Variants in EIPR1 observed in about 807,000 individuals in gnomAD.
EIPR1 encodes the protein EARP and GARP complex-interacting protein 1.
EIPR1 carries 25 observed loss-of-function variants against 48.1 expected under a neutral mutation model. That is an observed-to-expected ratio of 0.52 (90% confidence interval 0.38 to 0.73). The LOEUF (loss-of-function observed/expected upper bound fraction) is 0.73, where lower values mean the gene tolerates loss of function less well. Among genes scored for constraint, EIPR1 ranks in the 30% least tolerant of loss-of-function variants. The pLI, the probability that EIPR1 is intolerant of heterozygous loss-of-function variation, is 0.00. For synonymous variants in EIPR1, 204 were observed against 201.9 expected (o/e 1.01, Z -0.09); for missense variants, 415 against 506.2 (o/e 0.82, Z 1.73).
At chr2:3,193,976 G>A (rs1664701589) in intron 7 of EIPR1, 23 bp downstream of exon 7, 3 of 1,611,724 alleles carry the variant, frequency 1.9e-6, no homozygotes. Context: ...CCTCCTCCCT[G>A]AAGCAGCCAG....
chr2:3,305,012 ACC>A, intron 3 of EIPR1, among the ~76,000 whole-genome samples: 1 of 36,508 alleles, frequency 2.7e-5, no homozygotes, highest in African/African-American at 1.1e-4. Flanking sequence ...GTCCAGTTCA[ACC>A]CTCCACTCCT....
At chr2:3,247,241 C>T (rs1666862170) in intron 4 of EIPR1, among the ~76,000 whole-genome samples, 1 of 152,090 alleles carries the variant, frequency 6.6e-6, no homozygotes, top group African/African-American at 2.4e-5. Flanking sequence ...CTTGATATAC[C>T]ACTTGGGAAA....
At chr2:3,369,382 C>T (rs928018432) in intron 1 of EIPR1, among the ~76,000 whole-genome samples, 3 of 152,242 alleles carry the variant, frequency 2.0e-5, no homozygotes, top group Middle Eastern at 3.4e-3. Context: ...AGACAGTGGG[C>T]GCAGGTCAGT....
At chr2:3,218,334 A>T (rs1665721323) in intron 4 of EIPR1, among the ~76,000 whole-genome samples, 2 of 150,836 alleles carry the variant, frequency 1.3e-5, no homozygotes, top group Non-Finnish European at 2.9e-5. Flanking sequence ...GTGCACACCC[A>T]ACACGGCCCT....
intron 3 of EIPR1, among the ~76,000 whole-genome samples, chr2:3,279,458 G>A (rs1232470295): frequency 2.0e-5 from 3 of 152,206 alleles, no homozygotes; most frequent in Admixed American, 2.0e-4. Flanking sequence ...AGGCAAGGTC[G>A]GAATCCCCGC....
At chr2:3,220,507 T>C (rs558924478) in intron 4 of EIPR1, among the ~76,000 whole-genome samples, 3 of 151,900 alleles carry the variant, frequency 2.0e-5, no homozygotes, top group South Asian at 4.2e-4. Flanking sequence ...TCTAGAGCAT[T>C]TATAGAGTCA....
intron 4 of EIPR1, among the ~76,000 whole-genome samples, chr2:3,238,894 C>A (rs1666502796): frequency 6.6e-6 from 1 of 152,214 alleles, no homozygotes; most frequent in South Asian, 2.1e-4. Context: ...ACTACCTAGC[C>A]TTGGAAAAGA....
intron 1 of EIPR1, among the ~76,000 whole-genome samples, chr2:3,372,965 G>A (rs1006265738): frequency 1.3e-5 from 2 of 152,088 alleles, no homozygotes; most frequent in African/African-American, 4.8e-5. Context: ...GATGAACATT[G>A]ATGCAAAAAT....
chr2:3,269,124 G>C (rs1056162859), intron 3 of EIPR1, among the ~76,000 whole-genome samples: 1 of 152,204 alleles, frequency 6.6e-6, no homozygotes, highest in Non-Finnish European at 1.5e-5. Context: ...TGTACACTGA[G>C]CACTGCACAT....
intron 3 of EIPR1, among the ~76,000 whole-genome samples, chr2:3,313,876 G>A (rs1042990760): frequency 2.0e-5 from 3 of 152,178 alleles, no homozygotes; most frequent in African/African-American, 7.2e-5. Context: ...AGGCAAGAGG[G>A]CTCATTATGT....
intron 4 of EIPR1, among the ~76,000 whole-genome samples, chr2:3,240,140 A>AAAGCAAAGCCAGCAGATCCTTCCT (rs1666553737): frequency 6.7e-6 from 1 of 149,426 alleles, no homozygotes; most frequent in East Asian, 2.0e-4. Flanking sequence ...GATCCTTCCT[A>AAAGCAAAGCCAGCAGATCCTTCCT]AAGCAAAGCC....
rs1327026136 is a variant in EIPR1, at chr2:3,299,620, T to TCACACACACACA, written c.259+38396_259+38397insTGTGTGTGTGTG. ...AAAATATTTTCTCTCTCTCTCTCTC[T>TCACACACACACA]CTCTCACACACACACACACACACAC... On this transcript the variant is annotated intron_variant, in intron 3 of 8. Transcript: ENST00000382125. 6.7e-3 allele frequency among the ~76,000 whole-genome samples: 808 copies of TCACACACACACA among 121,328 alleles called. 9 individuals carry two copies. The highest frequency in any genetic ancestry group is 0.023 in the African/African-American group (767 of 33,302). The allele number at this position is 121,328 out of a possible 152,430, so 79.6% of individuals were successfully genotyped here.
intron 1 of EIPR1, among the ~76,000 whole-genome samples, chr2:3,372,708 T>A (rs1208104636): frequency 3.3e-5 from 5 of 152,158 alleles, no homozygotes; most frequent in Non-Finnish European, 7.3e-5. Context: ...AATAGACCAA[T>A]AATAGGATCT....
intron 4 of EIPR1, among the ~76,000 whole-genome samples, chr2:3,245,825 G>A (rs533235536): frequency 5.3e-5 from 8 of 152,360 alleles, no homozygotes; most frequent in East Asian, 3.9e-4. Flanking sequence ...TTGGGAGGCC[G>A]AAGTGGGAGG....
chr2:3,357,638 A>G (rs1670760696), intron 1 of EIPR1, among the ~76,000 whole-genome samples: 1 of 152,084 alleles, frequency 6.6e-6, no homozygotes, highest in South Asian at 2.1e-4. Flanking sequence ...TCTGCACCTC[A>G]CTTCCCATTT....
At chr2:3,268,169 A>G (rs1461631542) in intron 3 of EIPR1, among the ~76,000 whole-genome samples, 1 of 152,006 alleles carries the variant, frequency 6.6e-6, no homozygotes, top group Non-Finnish European at 1.5e-5. Context: ...CTCTCAATCC[A>G]GAGACTGGCA....
intron 3 of EIPR1, among the ~76,000 whole-genome samples, chr2:3,321,884 G>A (rs759023024): frequency 2.0e-5 from 3 of 152,132 alleles, no homozygotes; most frequent in Non-Finnish European, 4.4e-5. Context: ...CCTCATCCAC[G>A]GACTCCTCAG....
chr2:3,317,806 C>G (rs1266301042), intron 3 of EIPR1, among the ~76,000 whole-genome samples: 1 of 152,142 alleles, frequency 6.6e-6, no homozygotes, highest in Non-Finnish European at 1.5e-5. Context: ...GAGGAGAGGC[C>G]ACATGATGCC....
chr2:3,218,136 C>T (rs1301755327), intron 4 of EIPR1, among the ~76,000 whole-genome samples: 246 of 106,136 alleles, frequency 2.3e-3, no homozygotes, highest in Middle Eastern at 8.2e-3. Flanking sequence ...AACACGGCCC[C>T]GATACACTCT....
Sources: allele counts gnomAD v4.1 joint callset (sites outside exome capture counted in the v4.1 genomes callset), GRCh38; gene constraint gnomAD v4.1.1; transcripts MANE v1.5; gene names NCBI Gene and HGNC (gene_info 2026-07-23, HGNC 2026-07-21).